The following RAP1GAP variants were observed in gnomAD, a reference collection of about 807,000 sequenced individuals.
The protein encoded by RAP1GAP is RAP1 GTPase activating protein, also known as rap1 GTPase-activating protein 1.
Under a neutral mutation model 87.2 loss-of-function variants are expected in RAP1GAP, and 35 were observed. The ratio of observed to expected loss-of-function variants is 0.40; its 90% CI spans 0.31 to 0.53. The LOEUF (loss-of-function observed/expected upper bound fraction) is 0.53. Ranked by LOEUF, RAP1GAP falls within the 20% of genes least tolerant of loss-of-function variation. The probability of loss-of-function intolerance (pLI) is 0.48; values close to 1 mark genes in which losing one functional copy is unlikely to be tolerated. For synonymous variants in RAP1GAP, 375 were observed against 363.9 expected (o/e 1.03, Z -0.35); for missense variants, 734 against 898.9 (o/e 0.82, Z 2.35).
chr1:21,631,589 G>C (rs2093743706), intron 2 of RAP1GAP, among the ~76,000 whole-genome samples: 1 of 152,204 alleles, frequency 6.6e-6, no homozygotes, highest in Admixed American at 6.5e-5. Context: ...GGGAGGCTGA[G>C]GCAGGAGAAT....
intron 1 of RAP1GAP, among the ~76,000 whole-genome samples, chr1:21,659,471 C>T (rs936719189): frequency 6.6e-6 from 1 of 152,176 alleles, no homozygotes; most frequent in Non-Finnish European, 1.5e-5. Context: ...TCCTCGCCCT[C>T]TCCCCGGCGC....
intron 1 of RAP1GAP, among the ~76,000 whole-genome samples, chr1:21,652,405 A>C (rs951833366): frequency 2.0e-5 from 3 of 152,220 alleles, no homozygotes; most frequent in Non-Finnish European, 2.9e-5. Flanking sequence ...GCAGATGCTT[A>C]ATAAATGCCG....
At chr1:21,621,931 G>C (rs2088031824) in intron 3 of RAP1GAP, among the ~76,000 whole-genome samples, 1 of 152,242 alleles carries the variant, frequency 6.6e-6, no homozygotes, top group Non-Finnish European at 1.5e-5. Context: ...GCCTCAGAGG[G>C]AGCAGCAGAC....
chr1:21,623,210 A>G (rs2089969945), intron 3 of RAP1GAP, among the ~76,000 whole-genome samples: 1 of 152,208 alleles, frequency 6.6e-6, no homozygotes, highest in African/African-American at 2.4e-5. Context: ...TATGGAGGAA[A>G]GGACCCAAGT....
chr1:21,648,351 G>A (rs1045996162), intron 2 of RAP1GAP, among the ~76,000 whole-genome samples: 6 of 152,198 alleles, frequency 3.9e-5, no homozygotes, highest in Non-Finnish European at 8.8e-5. Context: ...CGCATCCTTC[G>A]TTCAGACCCT....
intron 1 of RAP1GAP, among the ~76,000 whole-genome samples, chr1:21,660,986 T>G (rs2097135043): frequency 6.6e-6 from 1 of 152,154 alleles, no homozygotes; most frequent in South Asian, 2.1e-4. Context: ...CGGTGGCTCA[T>G]GCTTGTAATA....
At chr1:21,607,863 C>A (rs937000422) in intron 17 of RAP1GAP, among the ~76,000 whole-genome samples, 1 of 152,104 alleles carries the variant, frequency 6.6e-6, no homozygotes, top group African/African-American at 2.4e-5. Flanking sequence ...CTAGCCACAC[C>A]CCCACGCCAT....
chr1:21,648,175 T>C (rs868444861), intron 2 of RAP1GAP, among the ~76,000 whole-genome samples: 1 of 152,098 alleles, frequency 6.6e-6, no homozygotes, highest in African/African-American at 2.4e-5. Flanking sequence ...GGCCGATCTT[T>C]ACTTGATAGA....
At chr1:21,631,094 T>C (rs1463031869) in intron 2 of RAP1GAP, among the ~76,000 whole-genome samples, 2 of 152,076 alleles carry the variant, frequency 1.3e-5, no homozygotes, top group Non-Finnish European at 2.9e-5. Context: ...CCCTTCTCTC[T>C]CCTATCCCAC....
At chr1:21,637,412 C>A (rs887795269) in intron 2 of RAP1GAP, among the ~76,000 whole-genome samples, 1 of 151,986 alleles carries the variant, frequency 6.6e-6, no homozygotes, top group Non-Finnish European at 1.5e-5. Flanking sequence ...CCTCAGCCTC[C>A]CAAAGTGCTG....
At chr1:21,661,027 G>A (rs1329170762) in intron 1 of RAP1GAP, among the ~76,000 whole-genome samples, 1 of 152,136 alleles carries the variant, frequency 6.6e-6, no homozygotes, top group East Asian at 1.9e-4. Flanking sequence ...TGAGGCAGGT[G>A]GATCGCCTGA....
intron 2 of RAP1GAP, among the ~76,000 whole-genome samples, chr1:21,627,434 G>C (rs1254317774): frequency 9.7e-6 from 1 of 103,394 alleles, no homozygotes; most frequent in Admixed American, 1.0e-4. Flanking sequence ...TTTTTTTTAT[G>C]ACAGAGTTTC....
chr1:21,624,557 G>A (rs2090907693), intron 3 of RAP1GAP, among the ~76,000 whole-genome samples: 1 of 152,082 alleles, frequency 6.6e-6, no homozygotes, highest in Non-Finnish European at 1.5e-5. Context: ...TGTTCCCTCA[G>A]CCCAGCACTG....
intron 17 of RAP1GAP, among the ~76,000 whole-genome samples, chr1:21,606,852 G>A (rs922899): frequency 0.065 from 9,908 of 152,200 alleles, 578 homozygotes; most frequent in East Asian, 0.28. Context: ...TCTGGACTCC[G>A]CTGCTTCTGA....
chr1:21,620,145 G>C, intron 3 of RAP1GAP, 95 bp from the exon 4 acceptor site: 1 of 1,354,342 alleles, frequency 7.4e-7, no homozygotes. Flanking sequence ...CACCAGCTCT[G>C]ATCAGTGACC....
chr1:21,613,754 A>G lies in RAP1GAP; in HGVS notation c.396-48T>C. 2 of 1,538,070 alleles carry G rather than the reference A, an allele frequency of 1.3e-6. No individual in the cohort carries two copies. The highest frequency in any genetic ancestry group is 4.5e-5 in the East Asian group (2 of 44,490). Reference sequence around the variant, plus strand: ...TGAAGGCCTGGGCAGCAGGACAGGAAAATGGGAACCCCACCCCCCACAAAG... The same window carrying G: ...TGAAGGCCTGGGCAGCAGGACAGGAGAATGGGAACCCCACCCCCCACAAAG... On this transcript the variant is annotated intron_variant, in intron 8 of 24. Coordinates refer to ENST00000374765, the MANE Select transcript of RAP1GAP (RefSeq NM_002885.4). The surrounding 1 kb of genome is among the most constrained non-coding windows in gnomAD (Gnocchi z 4.7).
intron 16 of RAP1GAP, 121 bp from the exon 17 acceptor site, chr1:21,608,471 A>G (rs1319361214): frequency 1.5e-6 from 2 of 1,322,988 alleles, no homozygotes; most frequent in Non-Finnish European, 2.0e-6. Context: ...GGGAGTGGGG[A>G]GGGCGGAGGG....
intron 3 of RAP1GAP, among the ~76,000 whole-genome samples, chr1:21,620,254 T>G (rs1199356943): frequency 6.6e-6 from 1 of 151,998 alleles, no homozygotes; most frequent in Non-Finnish European, 1.5e-5. Flanking sequence ...CCAAGTGAGG[T>G]GAACCCAGAG....
chr1:21,626,885 G>C (rs1213617056), intron 2 of RAP1GAP: 2 of 456,702 alleles, frequency 4.4e-6, no homozygotes, highest in Admixed American at 4.7e-5. Flanking sequence ...CCTGTGCTGA[G>C]CCCTCGTTCT....
Sources: allele counts gnomAD v4.1 joint callset (sites outside exome capture counted in the v4.1 genomes callset), GRCh38; gene constraint gnomAD v4.1.1; non-coding constraint Gnocchi (gnomAD v3.1); transcripts MANE v1.5; gene names NCBI Gene and HGNC (gene_info 2026-07-23, HGNC 2026-07-21).